The following IL1R1 variants were observed in gnomAD, a reference collection of about 807,000 sequenced individuals.
The protein encoded by IL1R1 is interleukin-1 receptor type 1.
In IL1R1, 22 loss-of-function variants were observed where a neutral mutation model predicts 50.2. The observed-to-expected ratio is 0.44, with a 90% CI of 0.31 to 0.63. IL1R1 has a LOEUF of 0.63. Ranked by LOEUF, IL1R1 falls within the 20% of genes least tolerant of loss-of-function variation. The pLI, the probability that IL1R1 is intolerant of heterozygous loss-of-function variation, is 0.07. For missense variants in IL1R1, 509 were observed against 676.2 expected (o/e 0.75, Z 2.74); for synonymous variants, 251 against 236.7 (o/e 1.06, Z -0.55).
At chr2:102,142,042 A>G (rs1359754177), upstream of IL1R1, 1 of 152,174 alleles carries the variant, frequency 6.6e-6, no homozygotes, top group Non-Finnish European at 1.5e-5. Flanking sequence ...TAAAAATTTA[A>G]AAACCCTGTC....
At chr2:102,144,962 A>G (rs889894860) in intron 1 of IL1R1, among the ~76,000 whole-genome samples, 3 of 152,074 alleles carry the variant, frequency 2.0e-5, no homozygotes, top group African/African-American at 7.2e-5. Context: ...GCAGATGGAA[A>G]CCCTGTGGCT....
At chr2:102,139,502 C>T (rs1281410382), upstream of IL1R1, among the ~76,000 whole-genome samples, 1 of 152,202 alleles carries the variant, frequency 6.6e-6, no homozygotes, top group Non-Finnish European at 1.5e-5. Context: ...CCAGGTGATG[C>T]AGTTTGGATA....
rs1190265511 is a variant in IL1R1, at chr2:102,078,569, C to CACACAT, written c.-84+8041_-84+8042insTACACA. ...ATTAGCAGTCAAAAAACTTCACACA[C>CACACAT]ACACACACACACACACACACACACA... On this transcript the variant is annotated intron_variant, in intron 1 of 11. Transcript: ENST00000409929. 3.4e-4 allele frequency among the ~76,000 whole-genome samples: 45 copies of CACACAT among 131,128 alleles called. 1 individual carries two copies. The allele number at this position is 131,128 out of a possible 152,430, so 86.0% of individuals were successfully genotyped here.
chr2:102,149,644 T>A (rs1412314559), intron 1 of IL1R1, among the ~76,000 whole-genome samples: 1 of 152,002 alleles, frequency 6.6e-6, no homozygotes, highest in East Asian at 1.9e-4. Flanking sequence ...GGACCCTAAT[T>A]CCAGGGCCTG....
At chr2:102,079,931 C>T (rs1237236362) in intron 1 of IL1R1, among the ~76,000 whole-genome samples, 1 of 151,920 alleles carries the variant, frequency 6.6e-6, no homozygotes, top group African/African-American at 2.4e-5. Flanking sequence ...AGAAATATGC[C>T]CTTACGTTTA....
intron 1 of IL1R1, among the ~76,000 whole-genome samples, chr2:102,143,650 G>A (rs150464312): frequency 1.4e-3 from 219 of 152,322 alleles, no homozygotes; most frequent in Non-Finnish European, 2.6e-3. Context: ...CAACTTGTTG[G>A]AGGATGATGT....
chr2:102,169,528 C>T (rs1412560909), intron 7 of IL1R1, among the ~76,000 whole-genome samples: 1 of 152,214 alleles, frequency 6.6e-6, no homozygotes, highest in Non-Finnish European at 1.5e-5. Context: ...TTGGAAACCA[C>T]TGATCAAGAG....
At chr2:102,158,060 A>C (rs890448322) in intron 3 of IL1R1, among the ~76,000 whole-genome samples, 2 of 152,330 alleles carry the variant, frequency 1.3e-5, no homozygotes, top group Admixed American at 1.3e-4. Context: ...CTAGGTCTCC[A>C]ATCTAGGTCC....
intron 1 of IL1R1, among the ~76,000 whole-genome samples, chr2:102,076,624 G>T (rs759873376): frequency 8.5e-5 from 13 of 152,142 alleles, no homozygotes; most frequent in Non-Finnish European, 1.8e-4. Flanking sequence ...GCCCTTTAAA[G>T]ATATTGATCT....
chr2:102,146,879 G>A (rs1159183662), intron 1 of IL1R1, among the ~76,000 whole-genome samples: 1 of 152,082 alleles, frequency 6.6e-6, no homozygotes, highest in African/African-American at 2.4e-5. Flanking sequence ...GATCACCCAG[G>A]GTCCCCTTCC....
rs1685959451 is a variant in IL1R1, at chr2:102,174,633, A to G, written c.1038A>G (p.Thr346=). 1.2e-6 allele frequency: 2 copies of G among 1,611,106 alleles called. No individual in the cohort carries two copies. The highest frequency in any genetic ancestry group is 1.3e-5 in the African/African-American group (1 of 74,786). ...TGATTGGTATATGTGTCACGTTGAC[A>G]GTCATAATTGTGTGTTCTGTTTTCA... ...KHMIGICVTL[T]VIIVCSVFIY... is the part of the protein sequence containing the mutation. Residue 346 remains threonine, a synonymous_variant, in exon 10 of 12, where the codon ACA becomes ACG. Transcript: ENST00000410023.
rs567403503 is a variant in IL1R1, at chr2:102,149,468, C to T, written c.-83-4473C>T. Reference sequence around the variant, plus strand: ...GTAGAGATTTGGCCCTATGCCTTGGCGGGCTCTGCTCTGCAGCTTGGCCAG... The same window carrying T: ...GTAGAGATTTGGCCCTATGCCTTGGTGGGCTCTGCTCTGCAGCTTGGCCAG... On this transcript the variant is annotated intron_variant, in intron 1 of 11. Coordinates refer to ENST00000410023, the MANE Select transcript of IL1R1 (RefSeq NM_000877.4). Among the ~76,000 whole-genome samples the T allele has an allele frequency of 2.1e-3, 315 of 152,306 alleles. 6 individuals carry two copies. Among genetic ancestry groups the T allele is most frequent in the Admixed American group, 4.6e-3 (71 of 15,292 alleles).
chr2:102,144,005 A>G (rs564649996), intron 1 of IL1R1, among the ~76,000 whole-genome samples: 50 of 152,326 alleles, frequency 3.3e-4, no homozygotes, highest in Middle Eastern at 3.4e-3. Context: ...TGGACATTGA[A>G]TGTATGAAAC....
intron 8 of IL1R1, 103 bp from the exon 9 acceptor site, chr2:102,172,584 T>G: frequency 9.0e-7 from 1 of 1,109,652 alleles, no homozygotes; most frequent in Non-Finnish European, 1.2e-6. Flanking sequence ...ATTATTTCAG[T>G]GGCAATTTTG....
At position 102,176,344 on chromosome 2, in the gene IL1R1, G is replaced by A. The variant is rs1686134985; in HGVS notation, c.1304-9G>A. 3 of 1,611,032 alleles carry A rather than the reference G, an allele frequency of 1.9e-6. No individual in the cohort carries two copies. The East Asian group carries it at 6.7e-5, about 36-fold the overall frequency. On this transcript the variant is annotated splice_polypyrimidine_tract_variant and intron_variant, in intron 11 of 11. Coordinates refer to ENST00000410023, the MANE Select transcript of IL1R1 (RefSeq NM_000877.4). ...TTTTACTTACTATATTGTGCTTCCTGTTTTTCAGACATTGTTGAGGTCATT... is the reference window on the plus strand; with the variant it reads ...TTTTACTTACTATATTGTGCTTCCTATTTTTCAGACATTGTTGAGGTCATT...
At chr2:102,078,600 A>ACACACG (rs57113618) in intron 1 of IL1R1, among the ~76,000 whole-genome samples, 1 of 146,506 alleles carries the variant, frequency 6.8e-6, no homozygotes, top group Admixed American at 6.8e-5. Flanking sequence ...ACACACACAC[A>ACACACG]AGAAAAAAAA....
chr2:102,080,839 G>A (rs1370348593), intron 1 of IL1R1, among the ~76,000 whole-genome samples: 3 of 152,278 alleles, frequency 2.0e-5, no homozygotes, highest in Non-Finnish European at 2.9e-5. Flanking sequence ...TTAACAATAT[G>A]CAGTATATCC....
intron 1 of IL1R1, among the ~76,000 whole-genome samples, chr2:102,114,620 A>C (rs1360811238): frequency 2.0e-5 from 3 of 152,214 alleles, no homozygotes; most frequent in African/African-American, 7.2e-5. Flanking sequence ...AATGTGGGAA[A>C]TTACACTCGG....
chr2:102,100,702 C>A (rs1296879920), upstream of IL1R1, among the ~76,000 whole-genome samples: 7 of 152,150 alleles, frequency 4.6e-5, 1 homozygote, highest in African/African-American at 1.7e-4. Flanking sequence ...TCCCTGTAAT[C>A]ATTCATCTAG....
Sources: gnomAD v4.1 joint callset for allele counts (sites outside exome capture counted in the v4.1 genomes callset) on GRCh38, gnomAD v4.1.1 for gene constraint, MANE v1.5 for transcripts, NCBI Gene and HGNC (gene_info 2026-07-23, HGNC 2026-07-21) for gene names.